PRKCA: variants seen among roughly 807,000 people sequenced by gnomAD.
PRKCA encodes protein kinase C alpha type.
PRKCA carries 27 observed loss-of-function variants against 87.0 expected under a neutral mutation model. That is an observed-to-expected ratio of 0.31 (90% CI 0.23 to 0.43). The LOEUF (loss-of-function observed/expected upper bound fraction) is 0.43, where lower values mean the gene tolerates loss of function less well. Ranked by LOEUF, PRKCA falls within the 20% of genes least tolerant of loss-of-function variation. The probability of loss-of-function intolerance (pLI) is 1.00; values close to 1 mark genes in which losing one functional copy is unlikely to be tolerated. For synonymous variants in PRKCA, 329 were observed against 311.1 expected, an observed-to-expected ratio of 1.06 and a Z score of -0.61; for missense variants, 518 against 852.3, an observed-to-expected ratio of 0.61 and a Z score of 4.88.
intron 8 of PRKCA, among the ~76,000 whole-genome samples, chr17:66,691,617 G>A (rs927433285): frequency 2.6e-5 from 4 of 152,198 alleles, no homozygotes; most frequent in Non-Finnish European, 5.9e-5. Flanking sequence ...CCTCTGTGAC[G>A]GATGGATCCT....
At chr17:66,467,219 A>G (rs572302802) in intron 2 of PRKCA, among the ~76,000 whole-genome samples, 84 of 152,318 alleles carry the variant, frequency 5.5e-4, no homozygotes, top group South Asian at 2.1e-3. Context: ...AGGCCATGGC[A>G]TGGTACATTC....
intron 3 of PRKCA, among the ~76,000 whole-genome samples, chr17:66,529,875 G>A (rs1967480675): frequency 6.6e-6 from 1 of 152,126 alleles, no homozygotes; most frequent in Non-Finnish European, 1.5e-5. Context: ...CTGTTGGCCA[G>A]ACTAATCAAA....
chr17:66,533,777 T>C (rs555845882), intron 3 of PRKCA, among the ~76,000 whole-genome samples: 1 of 152,320 alleles, frequency 6.6e-6, no homozygotes, highest in Non-Finnish European at 1.5e-5. Flanking sequence ...GAGCGGCTTT[T>C]AGTTGCTCAG....
intron 16 of PRKCA, chr17:66,796,771 G>A (rs1393669292): frequency 2.0e-6 from 2 of 985,370 alleles, no homozygotes; most frequent in Non-Finnish European, 2.4e-6. Flanking sequence ...AAGTCAGAGA[G>A]CTGTGCAGAT....
At chr17:66,519,243 G>A (rs1012245849) in intron 3 of PRKCA, among the ~76,000 whole-genome samples, 3 of 152,114 alleles carry the variant, frequency 2.0e-5, no homozygotes, top group Non-Finnish European at 4.4e-5. Context: ...AGTTCACAGG[G>A]ATTGTTGGAA....
intron 2 of PRKCA, among the ~76,000 whole-genome samples, chr17:66,309,400 G>T (rs1264841526): frequency 6.6e-6 from 1 of 152,104 alleles, no homozygotes; most frequent in African/African-American, 2.4e-5. Flanking sequence ...CGTTTCTCTG[G>T]AGAGACTTAT....
chr17:66,771,249 C>T (rs531313320), intron 13 of PRKCA, among the ~76,000 whole-genome samples: 1 of 152,276 alleles, frequency 6.6e-6, no homozygotes, highest in South Asian at 2.1e-4. Context: ...AAGTAATCCA[C>T]CCACCTCGGC....
At chr17:66,322,402 A>G (rs1195402636) in intron 2 of PRKCA, among the ~76,000 whole-genome samples, 1 of 152,218 alleles carries the variant, frequency 6.6e-6, no homozygotes, top group Admixed American at 6.5e-5. Flanking sequence ...AAATGGCTAC[A>G]TGTAGCTAAT....
At chr17:66,508,131 C>G (rs182840168) in intron 3 of PRKCA, among the ~76,000 whole-genome samples, 17 of 152,302 alleles carry the variant, frequency 1.1e-4, no homozygotes, top group African/African-American at 2.2e-4. Context: ...GAGCACCCCC[C>G]CTCACAGTCG....
At chr17:66,462,702 A>G (rs377504084) in intron 2 of PRKCA, among the ~76,000 whole-genome samples, 1 of 152,114 alleles carries the variant, frequency 6.6e-6, no homozygotes, top group Non-Finnish European at 1.5e-5. Context: ...TTTAGAGGCA[A>G]TTTACAAAAA....
At chr17:66,740,197 G>A (rs915549508) in intron 11 of PRKCA, among the ~76,000 whole-genome samples, 1 of 151,994 alleles carries the variant, frequency 6.6e-6, no homozygotes, top group Non-Finnish European at 1.5e-5. Context: ...TTATTGGAAC[G>A]CACCTGCATG....
chr17:66,621,644 A>G (rs571983173), intron 3 of PRKCA, among the ~76,000 whole-genome samples: 1 of 152,160 alleles, frequency 6.6e-6, no homozygotes, highest in South Asian at 2.1e-4. Flanking sequence ...CATGGAGTAG[A>G]TGCACTTTTC....
chr17:66,524,803 C>T (rs1228767874), intron 3 of PRKCA, among the ~76,000 whole-genome samples: 6 of 152,122 alleles, frequency 3.9e-5, no homozygotes, highest in Non-Finnish European at 7.4e-5. Context: ...CTGGGTCTGT[C>T]TTCCTCTATC....
At chr17:66,456,391 A>T (rs1914575293) in intron 2 of PRKCA, among the ~76,000 whole-genome samples, 1 of 152,008 alleles carries the variant, frequency 6.6e-6, no homozygotes, top group African/African-American at 2.4e-5. Context: ...CTCTTGTCCA[A>T]CCCAAGTTTA....
chr17:66,335,055 T>C (rs1256305597), intron 2 of PRKCA, among the ~76,000 whole-genome samples: 1 of 152,180 alleles, frequency 6.6e-6, no homozygotes, highest in African/African-American at 2.4e-5. Context: ...CATGTATAAC[T>C]TCTCAAACTC....
chr17:66,583,376 A>G (rs1484110306), intron 3 of PRKCA, among the ~76,000 whole-genome samples: 1 of 152,192 alleles, frequency 6.6e-6, no homozygotes, highest in Non-Finnish European at 1.5e-5. Flanking sequence ...TGTTACTCAT[A>G]AAAATTCTGA....
chr17:66,673,933 T>A (rs896914529), intron 5 of PRKCA, among the ~76,000 whole-genome samples: 1 of 152,256 alleles, frequency 6.6e-6, no homozygotes, highest in Non-Finnish European at 1.5e-5. Flanking sequence ...AGTGTGCCAC[T>A]CCTTTTGGCC....
intron 3 of PRKCA, among the ~76,000 whole-genome samples, chr17:66,499,985 C>G (rs1180475574): frequency 6.6e-6 from 1 of 152,098 alleles, no homozygotes; most frequent in Non-Finnish European, 1.5e-5. Context: ...TAACTGCCAA[C>G]GTGATTGTAT....
chr17:66,429,292 T>G (rs935576709), intron 2 of PRKCA, among the ~76,000 whole-genome samples: 1 of 152,206 alleles, frequency 6.6e-6, no homozygotes, highest in Non-Finnish European at 1.5e-5. Context: ...AAATGAAGAT[T>G]GACAACTTAG....
Sources: gnomAD v4.1 joint callset for allele counts (sites outside exome capture counted in the v4.1 genomes callset) on GRCh38, gnomAD v4.1.1 for gene constraint, MANE v1.5 for transcripts, NCBI Gene and HGNC (gene_info 2026-07-23, HGNC 2026-07-21) for gene names.